The following ATP2C2 variants were observed in gnomAD, a reference collection of about 807,000 sequenced individuals.
ATP2C2 encodes the protein ATPase secretory pathway Ca2+ transporting 2, also known as calcium-transporting ATPase type 2C member 2.
In ATP2C2, 171 loss-of-function variants were observed where a neutral mutation model predicts 110.8. The observed-to-expected ratio is 1.54, with a 90% CI of 1.36 to 1.75. The LOEUF is 1.75. Among genes scored for constraint, ATP2C2 ranks in the 40% most tolerant of loss-of-function variants. The pLI is 0.00. For synonymous variants in ATP2C2, 804 were observed against 508.4 expected (o/e 1.58, Z -7.82); for missense variants, 1,963 against 1,235.0 (o/e 1.59, Z -8.84).
chr16:84,399,053 A>G (rs543912908), intron 2 of ATP2C2, among the ~76,000 whole-genome samples: 8 of 152,364 alleles, frequency 5.3e-5, no homozygotes, highest in African/African-American at 1.9e-4. Flanking sequence ...GTTGCCAGGT[A>G]CTAAAACCAA....
chr16:84,382,611 T>C (rs923663427), intron 1 of ATP2C2, among the ~76,000 whole-genome samples: 1 of 152,130 alleles, frequency 6.6e-6, no homozygotes. Flanking sequence ...GGCCAAGCCA[T>C]GGCCACATGT....
Position 84,398,500 on chromosome 16 carries a change from T to G in ATP2C2, c.101T>G (p.Ile34Ser). 1 of 1,605,640 alleles carries G rather than the reference T, an allele frequency of 6.2e-7. No homozygotes were observed. Among genetic ancestry groups the G allele is most frequent in the Non-Finnish European group, 8.5e-7 (1 of 1,176,872 alleles). The change falls in exon 2 of 27, where the codon ATT becomes AGT. Residue 34 changes from isoleucine (I) to serine (S), a missense_variant and splice_region_variant. Physicochemically the swap from Ile to Ser is moderately radical, Grantham distance 142. Transcript: ENST00000262429. Reference sequence around the variant, plus strand: ...ACAGCAACCCTGCTCTTTTCACAGATTGATGAACAGAGTGAGCTGAAAGCC... The same window carrying G: ...ACAGCAACCCTGCTCTTTTCACAGAGTGATGAACAGAGTGAGCTGAAAGCC... ...ALEKDEEEAL[I>S]DEQSELKAIE...
Position 84,402,488 on chromosome 16 carries a change from G to GT in ATP2C2, c.211-2633dup, listed in dbSNP as rs968085377. ...TTGAGACATGTTCCTTCTATACCTA[G>GT]TTTTTTTAGGGTTTTTATTATGAAG... is the stretch of plus-strand genomic sequence containing the variant. On this transcript the variant is annotated intron_variant, in intron 2 of 26. Transcript: ENST00000262429. Among the ~76,000 whole-genome samples, 13 of 152,068 alleles carry GT rather than the reference G, an allele frequency of 8.5e-5. 1 individual carries two copies. In the Middle Eastern group the frequency reaches 0.01, roughly 119 times the overall value.
At chr16:84,451,166 G>A (rs576240137) in intron 17 of ATP2C2, among the ~76,000 whole-genome samples, 2 of 152,292 alleles carry the variant, frequency 1.3e-5, no homozygotes, top group Non-Finnish European at 2.9e-5. Flanking sequence ...CAGCCGGCAA[G>A]AGAGAATGAG....
rs755395944 is a variant in ATP2C2, at chr16:84,442,485, A to C, written c.1312-25A>C. ...TTTTCATGAGCCCAGTACTAACTACAGATGTCCGGACAATCCCCTTTTAGG... is the reference window on the plus strand; with the variant it reads ...TTTTCATGAGCCCAGTACTAACTACCGATGTCCGGACAATCCCCTTTTAGG... On this transcript the variant is annotated intron_variant, in intron 14 of 26. Transcript: ENST00000262429. 6 of 1,612,376 alleles carry C rather than the reference A, an allele frequency of 3.7e-6. No homozygotes were observed. In the East Asian group the frequency reaches 1.1e-4, roughly 30 times the overall value.
intron 1 of ATP2C2, among the ~76,000 whole-genome samples, chr16:84,384,270 GT>G (rs1311338369): frequency 1.3e-5 from 2 of 152,220 alleles, no homozygotes; most frequent in Non-Finnish European, 2.9e-5. Context: ...GAATACTCCT[GT>G]GGATTTTCCT....
At position 84,459,441 on chromosome 16, in the gene ATP2C2, C is replaced by G. The variant is rs1320973593; in HGVS notation, c.2333+55C>G. ...TCTCTTTACCCACCTGCGGGGCTTCCTCCAGGGGCTGCTGGCTGTGCCCCA... is the reference window on the plus strand; with the variant it reads ...TCTCTTTACCCACCTGCGGGGCTTCGTCCAGGGGCTGCTGGCTGTGCCCCA... On this transcript the variant is annotated intron_variant, in intron 23 of 26. Coordinates refer to ENST00000262429, the MANE Select transcript of ATP2C2 (RefSeq NM_014861.4). 6.9e-6 allele frequency: 11 copies of G among 1,604,582 alleles called. No homozygotes were observed. The Admixed American group carries it at 1.8e-4, about 27-fold the overall frequency.
intron 1 of ATP2C2, among the ~76,000 whole-genome samples, chr16:84,380,065 G>C (rs769073544): frequency 1.3e-5 from 2 of 152,102 alleles, no homozygotes; most frequent in African/African-American, 2.4e-5. Flanking sequence ...AGCCACATTT[G>C]GTACACCCTG....
At chr16:84,455,661 C>A (rs1029088956) in intron 21 of ATP2C2, among the ~76,000 whole-genome samples, 1 of 150,832 alleles carries the variant, frequency 6.6e-6, no homozygotes, top group Non-Finnish European at 1.5e-5. Context: ...ACAAAAAATC[C>A]AAATAAACAA....
intron 17 of ATP2C2, among the ~76,000 whole-genome samples, chr16:84,449,423 C>A (rs546890116): frequency 1.3e-5 from 2 of 152,314 alleles, no homozygotes; most frequent in African/African-American, 2.4e-5. Context: ...CTTTGCCCCC[C>A]CAAATGGTTT....
At chr16:84,405,753 C>T (rs905383540) in intron 3 of ATP2C2, among the ~76,000 whole-genome samples, 2 of 152,160 alleles carry the variant, frequency 1.3e-5, no homozygotes, top group South Asian at 2.1e-4. Context: ...AACCCCGTCT[C>T]TTCTAAAAAT....
chr16:84,453,298 G>C lies in ATP2C2; in HGVS notation c.1930-23G>C, dbSNP rs757719570. The C allele has an allele frequency of 1.1e-5, 18 of 1,614,122 alleles. No individual in the cohort carries two copies. In the South Asian group the frequency reaches 1.3e-4, roughly 12 times the overall value. ...TCACAGCTTTGAAATCTGATTCTTC[G>C]TCTTCCCCGTCTCCGTGTCCAGGTG... On this transcript the variant is annotated intron_variant, in intron 19 of 26. Coordinates refer to ENST00000262429, the MANE Select transcript of ATP2C2 (RefSeq NM_014861.4).
intron 1 of ATP2C2, among the ~76,000 whole-genome samples, chr16:84,377,288 G>T (rs942520195): frequency 6.6e-6 from 1 of 152,182 alleles, no homozygotes; most frequent in African/African-American, 2.4e-5. Flanking sequence ...GAGCTGGTGG[G>T]AGCTTTCAAT....
intron 23 of ATP2C2, 135 bp from the exon 24 acceptor site, chr16:84,460,519 C>A (rs750395363): frequency 3.2e-6 from 4 of 1,258,968 alleles, no homozygotes; most frequent in East Asian, 4.6e-5. Flanking sequence ...AGGTGCGATG[C>A]CTGGGGGCGT....
chr16:84,439,633 TG>T lies in ATP2C2; in HGVS notation c.1209+113del, dbSNP rs1412404014. On this transcript the variant is annotated intron_variant, in intron 13 of 26. Coordinates refer to ENST00000262429, the MANE Select transcript of ATP2C2 (RefSeq NM_014861.4). ...AGAACACAATAAGGAAGAAATAAATTGGGGTCATCTTATAATCTCCTTGCTA... is the reference window on the plus strand; with the variant it reads ...AGAACACAATAAGGAAGAAATAAATTGGGTCATCTTATAATCTCCTTGCTA... 10 of 1,078,030 alleles carry T rather than the reference TG, an allele frequency of 9.3e-6. No individual in the cohort carries two copies. In the African/African-American group the frequency reaches 1.4e-4, roughly 15 times the overall value. 66.8% of individuals were successfully genotyped at this position (1,078,030 alleles called of 1,614,324 possible).
Position 84,462,060 on chromosome 16 carries a change from G to T in ATP2C2, c.2653G>T (p.Gly885Trp). ...FLYSVLGSIL[G>W]QLAVIYIPPL... ...CTACTCCGTCCTGGGGTCCATCCTGGGGCAGCTGGCGGTCATTTACATCCC... is the reference window on the plus strand; with the variant it reads ...CTACTCCGTCCTGGGGTCCATCCTGTGGCAGCTGGCGGTCATTTACATCCC... Residue 885 changes from glycine to tryptophan, a missense_variant, in exon 26 of 27, where the codon GGG becomes TGG. By Grantham distance (184) the Gly-to-Trp change is radical (BLOSUM62 -2). Coordinates refer to ENST00000262429, the MANE Select transcript of ATP2C2 (RefSeq NM_014861.4). 1 of 1,614,018 alleles carries T rather than the reference G, an allele frequency of 6.2e-7. No individual in the cohort carries two copies. The highest frequency in any genetic ancestry group is 8.5e-7 in the Non-Finnish European group (1 of 1,179,970).
At chr16:84,410,961 TG>T in intron 6 of ATP2C2, 196 bp downstream of exon 6, 1 of 611,730 alleles carries the variant, frequency 1.6e-6, no homozygotes, top group Non-Finnish European at 2.9e-6. Flanking sequence ...TCAACCTCTC[TG>T]GGCCTCAGCT....
At chr16:84,374,226 C>A (rs1006225692) in intron 1 of ATP2C2, among the ~76,000 whole-genome samples, 1 of 132,010 alleles carries the variant, frequency 7.6e-6, no homozygotes, top group African/African-American at 3.1e-5. Flanking sequence ...GTATCTTAGG[C>A]TTTTCTCACC....
intron 15 of ATP2C2, among the ~76,000 whole-genome samples, 187 bp downstream of exon 15, chr16:84,442,786 C>G (rs1262974871): frequency 6.6e-6 from 1 of 152,154 alleles, no homozygotes; most frequent in Non-Finnish European, 1.5e-5. Flanking sequence ...TTCCACGGGA[C>G]TTCAGCAAGT....
Sources: gnomAD v4.1 joint callset for allele counts (sites outside exome capture counted in the v4.1 genomes callset) on GRCh38, gnomAD v4.1.1 for gene constraint, MANE v1.5 for transcripts, NCBI Gene and HGNC (gene_info 2026-07-23, HGNC 2026-07-21) for gene names.